Variants in DPP10 observed in about 807,000 individuals in gnomAD.
DPP10 encodes dipeptidyl peptidase like 10.
DPP10 carries 33 observed loss-of-function variants against 120.9 expected under a neutral mutation model. The observed-to-expected ratio is 0.27, with a 90% CI of 0.21 to 0.37. The LOEUF is 0.37. Among genes scored for constraint, DPP10 ranks in the 10% least tolerant of loss-of-function variants. The probability of loss-of-function intolerance (pLI) is 1.00; values close to 1 mark genes in which losing one functional copy is unlikely to be tolerated. For synonymous variants in DPP10, 337 were observed against 326.1 expected (o/e 1.03, Z -0.36); for missense variants, 816 against 942.8 (o/e 0.87, Z 1.76).
chr2:114,678,651 A>G (rs1698822864), intron 1 of DPP10, among the ~76,000 whole-genome samples: 1 of 152,134 alleles, frequency 6.6e-6, no homozygotes, highest in Admixed American at 6.6e-5. Context: ...TAATCTTTTA[A>G]ATTCCAGCTA....
chr2:115,383,098 A>G (rs1181714229), intron 3 of DPP10, among the ~76,000 whole-genome samples: 3 of 152,226 alleles, frequency 2.0e-5, no homozygotes, highest in African/African-American at 2.4e-5. Context: ...GTTTTCCACA[A>G]TGGGTAAATA....
At chr2:115,702,341 A>G (rs1223993943) in intron 7 of DPP10, among the ~76,000 whole-genome samples, 1 of 152,056 alleles carries the variant, frequency 6.6e-6, no homozygotes, top group Non-Finnish European at 1.5e-5. Context: ...CAGCAATTCC[A>G]TTCCTAGGTA....
chr2:115,460,525 C>T (rs1241296239), intron 3 of DPP10, among the ~76,000 whole-genome samples: 1 of 152,164 alleles, frequency 6.6e-6, no homozygotes, highest in Non-Finnish European at 1.5e-5. Context: ...TTAATTATTA[C>T]TCTTTACAAA....
chr2:115,088,759 A>AAAAAAAAAAAAAAAAAAAAC (rs1553485540), intron 1 of DPP10, among the ~76,000 whole-genome samples: 1 of 149,804 alleles, frequency 6.7e-6, no homozygotes, highest in Non-Finnish European at 1.5e-5. Flanking sequence ...ACAAAAAAAA[A>AAAAAAAAAAAAAAAAAAAAC]AAAAAAAAAA....
intron 1 of DPP10, among the ~76,000 whole-genome samples, chr2:114,628,649 A>G (rs1259948301): frequency 2.6e-5 from 4 of 151,976 alleles, no homozygotes; most frequent in African/African-American, 7.2e-5. Flanking sequence ...CTCCAACCCA[A>G]CTGAAGTTTT....
chr2:115,348,452 C>A (rs888461368), intron 3 of DPP10, among the ~76,000 whole-genome samples: 2 of 150,926 alleles, frequency 1.3e-5, no homozygotes, highest in Non-Finnish European at 3.0e-5. Flanking sequence ...TGTTTTTTCT[C>A]GATTTTTTTC....
chr2:115,174,482 GTTTGTC>G (rs2053566998), intron 1 of DPP10, among the ~76,000 whole-genome samples: 1 of 152,134 alleles, frequency 6.6e-6, no homozygotes, highest in Non-Finnish European at 1.5e-5. Flanking sequence ...TAACTTTTGT[GTTTGTC>G]TTTGATAGCA....
intron 1 of DPP10, among the ~76,000 whole-genome samples, chr2:115,157,206 C>T (rs10469818): frequency 0.52 from 75,192 of 144,460 alleles, 19,538 homozygotes; most frequent in Non-Finnish European, 0.57. Context: ...CACAGAAGGG[C>T]GGTGGGGTGA....
intron 5 of DPP10, among the ~76,000 whole-genome samples, chr2:115,584,053 C>T (rs2149138790): frequency 6.6e-6 from 1 of 152,274 alleles, no homozygotes; most frequent in African/African-American, 2.4e-5. Context: ...CAAACAACGC[C>T]CGCCATCCCC....
rs188254700 is a variant in DPP10 at position 115,518,793 on chromosome 2, A to G, written c.367-7105A>G. Among the ~76,000 whole-genome samples, 1,124 of 152,282 alleles carry G rather than the reference A, an allele frequency of 7.4e-3. 6 individuals are homozygous for G. The highest frequency in any genetic ancestry group is 0.025 in the African/African-American group (1,031 of 41,578). Reference sequence around the variant, plus strand: ...GTAAGTATTATGTTACACACATTGTATAAGGCCATGGTGAGGAAAACTCAT... The same window carrying G: ...GTAAGTATTATGTTACACACATTGTGTAAGGCCATGGTGAGGAAAACTCAT... On this transcript the variant is annotated intron_variant, in intron 4 of 25. Transcript: ENST00000410059.
At chr2:115,157,345 C>T (rs1459734777) in intron 1 of DPP10, among the ~76,000 whole-genome samples, 1 of 151,622 alleles carries the variant, frequency 6.6e-6, no homozygotes, top group African/African-American at 2.4e-5. Context: ...GAATGACTCT[C>T]AGGATATTGC....
chr2:115,236,148 G>A (rs761128653), intron 1 of DPP10, among the ~76,000 whole-genome samples: 11 of 152,040 alleles, frequency 7.2e-5, no homozygotes, highest in South Asian at 4.2e-4. Flanking sequence ...TTCTTTTTGC[G>A]TGTCTGACAG....
intron 9 of DPP10, 107 bp from the exon 10 acceptor site, chr2:115,745,979 T>C (rs1307192822): frequency 5.1e-6 from 4 of 783,892 alleles, no homozygotes; most frequent in Middle Eastern, 2.8e-4. Context: ...TTAAACTTTT[T>C]TTCTTTTCTA....
At chr2:114,616,712 T>C (rs1339689573) in intron 1 of DPP10, among the ~76,000 whole-genome samples, 1 of 152,098 alleles carries the variant, frequency 6.6e-6, no homozygotes, top group Non-Finnish European at 1.5e-5. Context: ...CATCAATAAA[T>C]GATAAAACTA....
At chr2:114,652,610 C>T (rs1309590461) in intron 1 of DPP10, among the ~76,000 whole-genome samples, 4 of 152,174 alleles carry the variant, frequency 2.6e-5, no homozygotes, top group Non-Finnish European at 5.9e-5. Flanking sequence ...CTTTTATTTG[C>T]AAAACACCTA....
chr2:115,393,542 A>G (rs750947681), intron 3 of DPP10, among the ~76,000 whole-genome samples: 12 of 152,122 alleles, frequency 7.9e-5, no homozygotes, highest in Non-Finnish European at 1.3e-4. Context: ...TAGAAGTTCC[A>G]TATCAGGATA....
intron 5 of DPP10, among the ~76,000 whole-genome samples, chr2:115,663,301 T>C (rs1025929640): frequency 2.0e-5 from 3 of 152,214 alleles, no homozygotes; most frequent in Non-Finnish European, 4.4e-5. Flanking sequence ...CCTATATTCT[T>C]CAGCAATGTA....
At chr2:114,954,497 C>CA (rs753887285) in intron 1 of DPP10, among the ~76,000 whole-genome samples, 5 of 151,442 alleles carry the variant, frequency 3.3e-5, no homozygotes, top group Non-Finnish European at 5.9e-5. Context: ...GTAAGTAAAT[C>CA]AAAAAAGAAG....
chr2:115,718,048 T>A (rs1471016446), intron 7 of DPP10, among the ~76,000 whole-genome samples: 1 of 152,058 alleles, frequency 6.6e-6, no homozygotes, highest in Non-Finnish European at 1.5e-5. Flanking sequence ...AGAAAATGGG[T>A]GCGTGGTCAT....
Sources: gnomAD v4.1 joint callset for allele counts (sites outside exome capture counted in the v4.1 genomes callset) on GRCh38, gnomAD v4.1.1 for gene constraint, MANE v1.5 for transcripts, NCBI Gene and HGNC (gene_info 2026-07-23, HGNC 2026-07-21) for gene names.